SUGCT: variants seen among roughly 807,000 people sequenced by gnomAD.
SUGCT encodes succinyl-CoA:glutarate CoA-transferase.
In SUGCT, 41 loss-of-function variants were observed where a neutral mutation model predicts 55.0. The observed-to-expected ratio is 0.74, with a 90% CI of 0.58 to 0.97. The LOEUF is 0.97. SUGCT is among the 50% of genes least tolerant of loss of function. The pLI is 0.00. For missense variants in SUGCT, 568 were observed against 547.8 expected (o/e 1.04, Z -0.37); for synonymous variants, 187 against 200.4 (o/e 0.93, Z 0.56).
downstream of SUGCT, among the ~76,000 whole-genome samples, chr7:40,862,794 A>G (rs1794518674): frequency 6.6e-6 from 1 of 151,248 alleles, no homozygotes; most frequent in Admixed American, 6.6e-5. Context: ...ATCAAGCATG[A>G]TATTTTCCAG....
intron 13 of SUGCT, among the ~76,000 whole-genome samples, chr7:40,820,871 G>C (rs932504641): frequency 6.6e-6 from 1 of 152,034 alleles, no homozygotes; most frequent in South Asian, 2.1e-4. Flanking sequence ...TCCCATTTTC[G>C]CCCATTCAGT....
intron 8 of SUGCT, among the ~76,000 whole-genome samples, chr7:40,274,881 A>C (rs1792359692): frequency 6.6e-6 from 1 of 152,160 alleles, no homozygotes; most frequent in African/African-American, 2.4e-5. Context: ...GGCTCACTGC[A>C]ACCTCCACCT....
chr7:40,965,446 A>T, the SUGCT span: 1 of 152,036 alleles, frequency 6.6e-6, no homozygotes. Context: ...TTCGTCAATT[A>T]CTCTGAAAAA....
intron 11 of SUGCT, among the ~76,000 whole-genome samples, chr7:40,483,163 G>T (rs1417305891): frequency 6.6e-6 from 1 of 152,112 alleles, no homozygotes; most frequent in Non-Finnish European, 1.5e-5. Flanking sequence ...AGTGTCACAG[G>T]CCTGTTTATA....
chr7:40,981,184 A>G, the SUGCT span, among the ~76,000 whole-genome samples: 1 of 151,916 alleles, frequency 6.6e-6, no homozygotes, highest in African/African-American at 2.4e-5. Context: ...TGGCCTGTGC[A>G]CTCTGGACCA....
At chr7:40,170,915 G>A (rs184848297) in intron 1 of SUGCT, among the ~76,000 whole-genome samples, 45 of 152,250 alleles carry the variant, frequency 3.0e-4, no homozygotes, top group Non-Finnish European at 5.7e-4. Flanking sequence ...GATTCTAGTG[G>A]TCCTTTACCA....
At chr7:40,195,739 G>T in intron 6 of SUGCT, among the ~76,000 whole-genome samples, 1 of 101,074 alleles carries the variant, frequency 9.9e-6, no homozygotes, top group Non-Finnish European at 1.8e-5. Context: ...TTTTGAGACA[G>T]AGTCTCACTC....
intron 13 of SUGCT, among the ~76,000 whole-genome samples, chr7:40,842,156 A>C (rs1793309985): frequency 6.6e-6 from 1 of 152,120 alleles, no homozygotes; most frequent in Non-Finnish European, 1.5e-5. Flanking sequence ...ACCACAACAG[A>C]CACATATCAT....
chr7:40,943,493 A>T, the SUGCT span, among the ~76,000 whole-genome samples: 1 of 130,520 alleles, frequency 7.7e-6, no homozygotes, highest in African/African-American at 2.9e-5. Context: ...ATGTGTTCTC[A>T]TTGTTCAATT....
intron 7 of SUGCT, among the ~76,000 whole-genome samples, chr7:40,262,495 C>CAAAA (rs67739412): frequency 8.2e-6 from 1 of 122,092 alleles, no homozygotes; most frequent in Non-Finnish European, 1.6e-5. Context: ...ACCGAAAATA[C>CAAAA]AAAAAAAAAA....
At chr7:40,536,588 C>T (rs996291208) in intron 12 of SUGCT, among the ~76,000 whole-genome samples, 12 of 152,168 alleles carry the variant, frequency 7.9e-5, no homozygotes, top group African/African-American at 1.4e-4. Context: ...AGCTGTGTGG[C>T]GTTGAGTCCC....
chr7:40,263,216 C>T (rs1303254539), intron 7 of SUGCT, among the ~76,000 whole-genome samples: 4 of 152,132 alleles, frequency 2.6e-5, no homozygotes, highest in African/African-American at 9.7e-5. Flanking sequence ...GCCACGGTGC[C>T]CAGCCTAAAT....
At chr7:40,475,371 T>C (rs1790607659) in intron 11 of SUGCT, among the ~76,000 whole-genome samples, 1 of 152,198 alleles carries the variant, frequency 6.6e-6, no homozygotes, top group South Asian at 2.1e-4. Flanking sequence ...TTTGTGTCAT[T>C]ATGCAAACTG....
chr7:40,814,208 G>A (rs1260505323), intron 13 of SUGCT, among the ~76,000 whole-genome samples: 1 of 151,996 alleles, frequency 6.6e-6, no homozygotes, highest in Non-Finnish European at 1.5e-5. Flanking sequence ...TATCTGGCAG[G>A]TGTTCTCTGG....
At chr7:40,745,930 A>AT (rs1309746125) in intron 12 of SUGCT, among the ~76,000 whole-genome samples, 2 of 152,170 alleles carry the variant, frequency 1.3e-5, no homozygotes, top group African/African-American at 4.8e-5. Flanking sequence ...AAAACAAAAC[A>AT]TTTTTTAATT....
intron 13 of SUGCT, among the ~76,000 whole-genome samples, chr7:40,818,987 C>A (rs1023105351): frequency 4.1e-5 from 6 of 147,988 alleles, no homozygotes; most frequent in Non-Finnish European, 7.4e-5. Context: ...CACTTCCCAC[C>A]TATGAGCGAG....
intron 9 of SUGCT, among the ~76,000 whole-genome samples, chr7:40,446,271 G>A (rs921944244): frequency 6.6e-6 from 1 of 152,038 alleles, no homozygotes; most frequent in African/African-American, 2.4e-5. Context: ...CCAAAATTTG[G>A]CAAGCCTTTC....
chr7:41,016,980 T>G, the SUGCT span, among the ~76,000 whole-genome samples: 1 of 152,248 alleles, frequency 6.6e-6, no homozygotes, highest in East Asian at 1.9e-4. Context: ...ACTCAGCATT[T>G]CAGGATGTGA....
rs1221840170 is a variant in SUGCT, at chr7:40,727,273, A to C, written c.1090-22161A>C. ...CTGGAAGTTATTCTTCAGCTTATCC[A>C]AGGTATACAAATTCACTTTTGCATT... On this transcript the variant is annotated intron_variant, in intron 12 of 13. Transcript: ENST00000335693. 3.9e-5 allele frequency among the ~76,000 whole-genome samples: 6 copies of C among 152,196 alleles called. No homozygotes were observed. The East Asian group carries it at 1.2e-3, about 29-fold the overall frequency.
Sources: gnomAD v4.1 joint callset for allele counts (sites outside exome capture counted in the v4.1 genomes callset) on GRCh38, gnomAD v4.1.1 for gene constraint, MANE v1.5 for transcripts, NCBI Gene and HGNC (gene_info 2026-07-23, HGNC 2026-07-21) for gene names.